The following PAPPA2 variants were observed in gnomAD, a reference collection of about 807,000 sequenced individuals.
The protein encoded by PAPPA2 is pappalysin-2.
A neutral mutation model predicts 176.4 loss-of-function variants in PAPPA2; 86 were observed. The ratio of observed to expected loss-of-function variants is 0.49; its 90% CI spans 0.41 to 0.58. The LOEUF (loss-of-function observed/expected upper bound fraction) is 0.58. Ranked by LOEUF, PAPPA2 falls within the 20% of genes least tolerant of loss-of-function variation. The pLI, the probability that PAPPA2 is intolerant of heterozygous loss-of-function variation, is 0.00. For missense variants in PAPPA2, 2,073 were observed against 2,256.9 expected, an observed-to-expected ratio of 0.92 and a Z score of 1.65; for synonymous variants, 809 against 852.2, an observed-to-expected ratio of 0.95 and a Z score of 0.88.
intron 3 of PAPPA2, among the ~76,000 whole-genome samples, chr1:176,629,122 T>A (rs1487545020): frequency 6.6e-6 from 1 of 152,186 alleles, no homozygotes; most frequent in Non-Finnish European, 1.5e-5. Context: ...AGAGCCAGCC[T>A]CTTTTTGAGT....
At chr1:176,464,679 G>A (rs1044759120) in intron 1 of PAPPA2, among the ~76,000 whole-genome samples, 2 of 152,190 alleles carry the variant, frequency 1.3e-5, no homozygotes, top group African/African-American at 4.8e-5. Context: ...CCAGGTGCTG[G>A]ACATGGCTCT....
intron 3 of PAPPA2, among the ~76,000 whole-genome samples, chr1:176,664,427 A>G (rs1658516757): frequency 6.6e-6 from 1 of 152,134 alleles, no homozygotes; most frequent in Non-Finnish European, 1.5e-5. Flanking sequence ...CCATCACTGT[A>G]TCTCTTTCTC....
Position 176,703,648 on chromosome 1 carries a change from G to A in PAPPA2, c.3365+913G>A, listed in dbSNP as rs1660757772. 2.6e-5 allele frequency among the ~76,000 whole-genome samples: 4 copies of A among 152,288 alleles called. No homozygotes were observed. The South Asian group carries it at 8.3e-4, about 32-fold the overall frequency. The stretch of plus-strand genomic sequence containing the variant: ...GAATCAATTCTGTAGGCTTGCTTGG[G>A]ATTCCATCCCATCATTTAGCAGTCA... On this transcript the variant is annotated intron_variant, in intron 9 of 22. Transcript: ENST00000367662.
At chr1:176,672,818 A>G (rs1659086137) in intron 4 of PAPPA2, among the ~76,000 whole-genome samples, 1 of 152,182 alleles carries the variant, frequency 6.6e-6, no homozygotes, top group African/African-American at 2.4e-5. Context: ...TCAGTTTTAA[A>G]GCCCTGCAGT....
At chr1:176,653,151 C>G (rs567967683) in intron 3 of PAPPA2, among the ~76,000 whole-genome samples, 3 of 151,656 alleles carry the variant, frequency 2.0e-5, no homozygotes, top group Non-Finnish European at 4.4e-5. Flanking sequence ...ACCAATCCTC[C>G]TATGTCTCCC....
chr1:176,502,244 C>T lies in PAPPA2; in HGVS notation c.-917+38826C>T, dbSNP rs542034198. Reference sequence around the variant, plus strand: ...GCATTGGAATGAGGTGGTGATGCCCCAAACAAGGTTTTTGCCCATATATCT... The same window carrying T: ...GCATTGGAATGAGGTGGTGATGCCCTAAACAAGGTTTTTGCCCATATATCT... On this transcript the variant is annotated intron_variant, in intron 1 of 22. Coordinates refer to ENST00000367662, the MANE Select transcript of PAPPA2 (RefSeq NM_020318.3). Among the ~76,000 whole-genome samples the T allele has an allele frequency of 1.2e-4, 18 of 152,232 alleles. No homozygotes were observed. The South Asian group carries it at 3.7e-3, about 32-fold the overall frequency.
rs936896567 is a variant in PAPPA2, at chr1:176,683,061, G to A, written c.2138-7076G>A. On this transcript the variant is annotated intron_variant, in intron 4 of 22. Transcript: ENST00000367662. ...TTATTTATTTATTTATTTATTTGCT[G>A]GAAGTGGCTTTGGGAATCATTCTCT... Among the ~76,000 whole-genome samples the A allele has an allele frequency of 5.2e-4, 75 of 144,960 alleles. 1 individual carries two copies. The highest frequency in any genetic ancestry group is 1.8e-3 in the African/African-American group (72 of 39,754).
chr1:176,537,905 A>T (rs1446074484), intron 1 of PAPPA2, among the ~76,000 whole-genome samples: 1 of 151,872 alleles, frequency 6.6e-6, no homozygotes, highest in Admixed American at 6.6e-5. Flanking sequence ...TGCATAATTT[A>T]ATCTCATGTT....
At chr1:176,733,892 G>C (rs1662276147) in intron 12 of PAPPA2, among the ~76,000 whole-genome samples, 1 of 152,010 alleles carries the variant, frequency 6.6e-6, no homozygotes, top group Non-Finnish European at 1.5e-5. Context: ...ATCCCACAGA[G>C]AGCTGGGATG....
rs555372965 is a variant in PAPPA2, at chr1:176,732,470, T to C, written c.3799-7156T>C. On this transcript the variant is annotated intron_variant, in intron 12 of 22. Coordinates refer to ENST00000367662, the MANE Select transcript of PAPPA2 (RefSeq NM_020318.3). ...GATTTCTTTCGGATCTGCATTTAAG[T>C]TTAAGCTTGATGGTGAGTTCATAAA... Among the ~76,000 whole-genome samples the C allele has an allele frequency of 5.9e-5, 9 of 152,322 alleles. No individual in the cohort carries two copies. The South Asian group carries it at 1.9e-3, about 32-fold the overall frequency.
chr1:176,744,812 T>A (rs1662835483), intron 14 of PAPPA2, among the ~76,000 whole-genome samples: 1 of 152,220 alleles, frequency 6.6e-6, no homozygotes. Context: ...ACTCCAATAT[T>A]TTTTTCAATC....
intron 14 of PAPPA2, among the ~76,000 whole-genome samples, chr1:176,757,625 T>C (rs1663491090): frequency 6.6e-6 from 1 of 152,352 alleles, no homozygotes. Context: ...ATGGGTAGAT[T>C]GCAAAAACTT....
At chr1:176,588,533 G>C (rs1215887310) in intron 2 of PAPPA2, among the ~76,000 whole-genome samples, 2 of 152,204 alleles carry the variant, frequency 1.3e-5, no homozygotes, top group Non-Finnish European at 2.9e-5. Flanking sequence ...GGTAGGATGT[G>C]TTGGCTTTAA....
intron 21 of PAPPA2, among the ~76,000 whole-genome samples, chr1:176,806,574 G>A (rs1665916935): frequency 2.0e-5 from 3 of 152,168 alleles, no homozygotes; most frequent in African/African-American, 7.2e-5. Flanking sequence ...CAGAAACAAA[G>A]GCTTAACACA....
chr1:176,828,612 A>G (rs1272267174), intron 21 of PAPPA2, among the ~76,000 whole-genome samples: 1 of 152,188 alleles, frequency 6.6e-6, no homozygotes, highest in African/African-American at 2.4e-5. Context: ...ATACAAATAT[A>G]TACATACGGA....
rs80296129 is a variant in PAPPA2 at position 176,839,601 on chromosome 1, G to A, written c.5203-572G>A. On this transcript the variant is annotated intron_variant, in intron 21 of 22. Coordinates refer to ENST00000367662, the MANE Select transcript of PAPPA2 (RefSeq NM_020318.3). ...CATCTGAGTCTTCATAGCACCCAAGGACTACTCAGGTCTCTAAGTGTCAGT... is the reference window on the plus strand; with the variant it reads ...CATCTGAGTCTTCATAGCACCCAAGAACTACTCAGGTCTCTAAGTGTCAGT... Among the ~76,000 whole-genome samples, 16 of 152,220 alleles carry A rather than the reference G, an allele frequency of 1.1e-4. No homozygotes were observed. In the East Asian group the frequency reaches 2.9e-3, roughly 28 times the overall value.
intron 1 of PAPPA2, among the ~76,000 whole-genome samples, chr1:176,516,454 G>A (rs1053006897): frequency 1.3e-5 from 2 of 152,068 alleles, no homozygotes; most frequent in Non-Finnish European, 2.9e-5. Flanking sequence ...AGATTTGAAT[G>A]TTTGTGCCCC....
intron 3 of PAPPA2, among the ~76,000 whole-genome samples, chr1:176,652,179 CG>C (rs1265965904): frequency 1.3e-5 from 2 of 149,020 alleles, no homozygotes; most frequent in Non-Finnish European, 3.0e-5. Flanking sequence ...GGGGGCAGGG[CG>C]GGGCAGGGGG....
chr1:176,827,081 A>G (rs1346882231), intron 21 of PAPPA2, among the ~76,000 whole-genome samples: 1 of 152,172 alleles, frequency 6.6e-6, no homozygotes, highest in Non-Finnish European at 1.5e-5. Flanking sequence ...GGTCCTGATG[A>G]CTTTCCTTCA....
Sources: gnomAD v4.1 joint callset for allele counts (sites outside exome capture counted in the v4.1 genomes callset) on GRCh38, gnomAD v4.1.1 for gene constraint, MANE v1.5 for transcripts, NCBI Gene and HGNC (gene_info 2026-07-23, HGNC 2026-07-21) for gene names.